The following ZNF469 variants were observed in gnomAD, a reference collection of about 807,000 sequenced individuals.
ZNF469 encodes the protein zinc finger protein 469.
In ZNF469, 1 loss-of-function variant was observed where a neutral mutation model predicts 1.0. The observed-to-expected ratio is 1.00, with a 90% CI of 0.35 to 4.73. The LOEUF (loss-of-function observed/expected upper bound fraction) is 4.73. ZNF469 is among the 30% of genes most tolerant of loss of function. ZNF469 has a pLI of 0.16. For synonymous variants in ZNF469, 2,703 were observed against 2,363.4 expected, an observed-to-expected ratio of 1.14 and a Z score of -4.17; for missense variants, 6,100 against 5,356.3, an observed-to-expected ratio of 1.14 and a Z score of -4.33.
the ZNF469 span, among the ~76,000 whole-genome samples, chr16:88,359,552 G>A: frequency 2.0e-5 from 3 of 152,310 alleles, no homozygotes; most frequent in South Asian, 2.1e-4. Flanking sequence ...CTTAAACATC[G>A]TTGGCTATCG....
intron 1 of ZNF469, among the ~76,000 whole-genome samples, chr16:88,386,235 C>T (rs913205511): frequency 6.6e-6 from 1 of 152,148 alleles, no homozygotes; most frequent in Non-Finnish European, 1.5e-5. Context: ...AGCCCGTCCT[C>T]CTGCTCACTG....
At chr16:88,210,373 A>G in the ZNF469 span, among the ~76,000 whole-genome samples, 1 of 151,972 alleles carries the variant, frequency 6.6e-6, no homozygotes, top group Non-Finnish European at 1.5e-5. Context: ...TTTTTTAACC[A>G]TGGAAAAGTG....
the ZNF469 span, among the ~76,000 whole-genome samples, chr16:88,369,822 A>T: frequency 6.6e-6 from 1 of 151,884 alleles, no homozygotes; most frequent in Non-Finnish European, 1.5e-5. Context: ...CGCGACCCCC[A>T]GCCCCAGCTT....
chr16:88,411,489 C>CAA (rs1444239329), intron 1 of ZNF469, among the ~76,000 whole-genome samples: 9 of 6,414 alleles, frequency 1.4e-3, no homozygotes, highest in African/African-American at 1.9e-3. Flanking sequence ...GGCAGGGGTG[C>CAA]GAGCGGGCAG....
At chr16:88,119,649 C>T in the ZNF469 span, among the ~76,000 whole-genome samples, 1 of 152,210 alleles carries the variant, frequency 6.6e-6, no homozygotes, top group African/African-American at 2.4e-5. Flanking sequence ...AAGCTTTTCC[C>T]TACCGGGTCC....
At chr16:88,134,022 C>G in the ZNF469 span, among the ~76,000 whole-genome samples, 758 of 152,274 alleles carry the variant, frequency 5.0e-3, 4 homozygotes, top group African/African-American at 0.017. Context: ...TAGAACCCCC[C>G]CGGAGGTGGA....
At chr16:88,273,855 A>C in the ZNF469 span, among the ~76,000 whole-genome samples, 1 of 141,722 alleles carries the variant, frequency 7.1e-6, no homozygotes, top group Non-Finnish European at 1.5e-5. Context: ...CCCAGGCTGG[A>C]GTGCAGTGGC....
upstream of ZNF469, among the ~76,000 whole-genome samples, chr16:88,382,003 G>A (rs1462099438): frequency 1.3e-5 from 2 of 152,228 alleles, no homozygotes; most frequent in African/African-American, 4.8e-5. Flanking sequence ...CCTGCTCCCG[G>A]GGGACCTTTG....
At chr16:88,194,521 C>T in the ZNF469 span, 47,027 of 152,182 alleles carry the variant, frequency 0.31, 7,665 homozygotes, top group Non-Finnish European at 0.36. Context: ...GGTGCTGGGC[C>T]GGCGTCTGGA....
chr16:88,410,244 G>A (rs547063752), intron 1 of ZNF469, among the ~76,000 whole-genome samples: 16 of 146,348 alleles, frequency 1.1e-4, no homozygotes, highest in Admixed American at 6.0e-4. Flanking sequence ...CTATGATGCC[G>A]TTGATGGTGC....
At chr16:88,255,365 T>C in the ZNF469 span, among the ~76,000 whole-genome samples, 3 of 152,180 alleles carry the variant, frequency 2.0e-5, no homozygotes, top group Non-Finnish European at 4.4e-5. Flanking sequence ...TTCTACATGC[T>C]TTCCCTGTGT....
the ZNF469 span, among the ~76,000 whole-genome samples, chr16:88,215,138 G>GT: frequency 1.3e-5 from 2 of 152,106 alleles, no homozygotes; most frequent in Non-Finnish European, 2.9e-5. Flanking sequence ...GACAGATTTT[G>GT]TTTTTTACCT....
chr16:88,432,802 C>A lies in ZNF469; in HGVS notation c.5332C>A (p.Pro1778Thr), dbSNP rs528985816. 7.7e-5 allele frequency: 119 copies of A among 1,550,246 alleles called. 2 individuals are homozygous for A. The Middle Eastern group carries it at 1.7e-3, about 22-fold the overall frequency. Residue 1778 changes from proline (P) to threonine (T), a missense_variant, in exon 3 of 3, where the codon CCA becomes ACA. Coordinates refer to ENST00000565624, the MANE Select transcript of ZNF469 (RefSeq NM_001367624.2). ...LPCEQRGGFL[P>T]EPGTADQPHR... ...CTGTGAACAGAGAGGAGGGTTCCTC[C>A]CAGAGCCCGGCACAGCAGACCAGCC...
At chr16:88,295,457 G>A in the ZNF469 span, among the ~76,000 whole-genome samples, 3 of 148,042 alleles carry the variant, frequency 2.0e-5, no homozygotes, top group African/African-American at 7.6e-5. Flanking sequence ...GCAGGGCTCA[G>A]GGTATGGGGA....
upstream of ZNF469, among the ~76,000 whole-genome samples, chr16:88,379,375 GA>G (rs753791295): frequency 4.6e-5 from 7 of 152,168 alleles, no homozygotes; most frequent in Non-Finnish European, 1.0e-4. Flanking sequence ...AGACACAGGG[GA>G]CCTTCCCAGC....
chr16:88,376,337 G>A, the ZNF469 span, among the ~76,000 whole-genome samples: 1 of 152,250 alleles, frequency 6.6e-6, no homozygotes, highest in Non-Finnish European at 1.5e-5. Context: ...GACTGCGGAC[G>A]TCTGACTCCT....
chr16:88,168,895 AGAC>A, the ZNF469 span, among the ~76,000 whole-genome samples: 1 of 152,070 alleles, frequency 6.6e-6, no homozygotes, highest in African/African-American at 2.4e-5. The surrounding 1 kb of genome is among the most constrained non-coding windows in gnomAD (Gnocchi z 4.3). Context: ...TAGGAGTTTG[AGAC>A]CAGCCTGGAC....
At chr16:88,183,668 G>C in the ZNF469 span, among the ~76,000 whole-genome samples, 1 of 152,212 alleles carries the variant, frequency 6.6e-6, no homozygotes, top group African/African-American at 2.4e-5. Flanking sequence ...CCTCTGTCGG[G>C]GCAGAAGTGC....
At chr16:88,324,918 C>T in the ZNF469 span, among the ~76,000 whole-genome samples, 5 of 152,048 alleles carry the variant, frequency 3.3e-5, no homozygotes, top group Admixed American at 6.6e-5. Context: ...TTCTGTAGGC[C>T]GTACAGGAAG....
Sources: gnomAD v4.1 joint callset for allele counts (sites outside exome capture counted in the v4.1 genomes callset) on GRCh38, gnomAD v4.1.1 for gene constraint, Gnocchi (gnomAD v3.1) non-coding constraint, MANE v1.5 for transcripts, NCBI Gene and HGNC (gene_info 2026-07-23, HGNC 2026-07-21) for gene names.